The following TMC7 variants were observed in gnomAD, a reference collection of about 807,000 sequenced individuals.
The protein encoded by TMC7 is transmembrane channel like 7, also known as transmembrane channel-like protein 7.
TMC7 carries 54 observed loss-of-function variants against 82.9 expected under a neutral mutation model. That is an observed-to-expected ratio of 0.65 (90% CI 0.52 to 0.82). The LOEUF (loss-of-function observed/expected upper bound fraction) is 0.82. Among genes scored for constraint, TMC7 ranks in the 40% least tolerant of loss-of-function variants. TMC7 has a pLI of 0.00. For synonymous variants in TMC7, 350 were observed against 337.9 expected, an observed-to-expected ratio of 1.04 and a Z score of -0.39; for missense variants, 820 against 901.2, an observed-to-expected ratio of 0.91 and a Z score of 1.15.
chr16:19,021,897 C>T (rs921370617), intron 4 of TMC7, 101 bp downstream of exon 4: 32 of 1,378,584 alleles, frequency 2.3e-5, no homozygotes, highest in East Asian at 2.1e-4. Flanking sequence ...AATTCTTGGG[C>T]GACTGTATTA....
At chr16:19,046,719 G>T (rs1282454866) in intron 11 of TMC7, among the ~76,000 whole-genome samples, 1 of 151,854 alleles carries the variant, frequency 6.6e-6, no homozygotes, top group African/African-American at 2.4e-5. Flanking sequence ...TGTAGTCTCA[G>T]CCACTTGGGA....
intron 2 of TMC7, among the ~76,000 whole-genome samples, chr16:19,015,617 C>T (rs936286506): frequency 4.0e-5 from 6 of 149,680 alleles, no homozygotes; most frequent in Admixed American, 6.7e-5. Flanking sequence ...GTTGCCCAGA[C>T]TGGCCAACAT....
chr16:19,031,954 A>G (rs566964424), intron 6 of TMC7, among the ~76,000 whole-genome samples: 1 of 152,320 alleles, frequency 6.6e-6, no homozygotes, highest in Admixed American at 6.5e-5. Flanking sequence ...TCACATGACT[A>G]TAGCCAACTG....
At position 19,038,043 on chromosome 16, in the gene TMC7, A is replaced by G. The variant is rs1960839275; in HGVS notation, c.1175A>G (p.Lys392Arg). The change falls in exon 8 of 16, where the codon AAA (lysine) becomes AGA (arginine). Residue 392 changes from lysine (K) to arginine (R), a missense_variant. By Grantham distance (26) the Lys-to-Arg change is conservative. This residue lies in a region of TMC7 where 650 missense variants were observed against 669.9 expected (regional missense o/e 0.97). Coordinates refer to ENST00000304381, the MANE Select transcript of TMC7 (RefSeq NM_024847.4). ...VATVFSQEHM[K>R]KEIDKMVFGE... is the part of the protein sequence containing the mutation. ...ACTGTCTTCTCGCAAGAGCACATGA[A>G]AAAGGTAAATTAACTTGTACTCTGG... 6.2e-6 allele frequency: 10 copies of G among 1,613,354 alleles called. No homozygotes were observed. The highest frequency in any genetic ancestry group is 8.5e-6 in the Non-Finnish European group (10 of 1,179,830).
intron 5 of TMC7, among the ~76,000 whole-genome samples, chr16:19,025,137 T>C (rs1438061875): frequency 6.6e-6 from 1 of 152,144 alleles, no homozygotes; most frequent in Non-Finnish European, 1.5e-5. Context: ...CCCTGGTCTC[T>C]ACCCACTAGA....
chr16:18,994,137 C>G (rs1567499042), intron 1 of TMC7, among the ~76,000 whole-genome samples: 1 of 151,946 alleles, frequency 6.6e-6, no homozygotes, highest in Non-Finnish European at 1.5e-5. Context: ...GTGTGGGAGA[C>G]TCAACAAAGA....
Position 19,063,514 on chromosome 16 carries a change from T to C in TMC7, c.*1671T>C, listed in dbSNP as rs1245842292. 6.6e-6 allele frequency: 1 copy of C among 151,988 alleles called. No homozygotes were observed. The highest frequency in any genetic ancestry group is 1.5e-5 in the Non-Finnish European group (1 of 68,012). 9.4% of individuals were successfully genotyped at this position (151,988 alleles called of 1,614,324 possible). A position where few individuals can be genotyped will look rare whatever the true frequency, so the allele number is the denominator to read the frequency against. ...GCTGCAGTGTGCGAGACCGTGCCAC[T>C]GTACTCCAGCCTAGGTGACAGAGGG... On this transcript the variant is annotated 3_prime_UTR_variant, in exon 16 of 16. Coordinates refer to ENST00000304381, the MANE Select transcript of TMC7 (RefSeq NM_024847.4).
chr16:19,044,132 T>C (rs1408893617), intron 9 of TMC7, among the ~76,000 whole-genome samples: 1 of 152,126 alleles, frequency 6.6e-6, no homozygotes. Context: ...CCTCCCAAAA[T>C]GCTGGGATTA....
intron 5 of TMC7, 41 bp from the exon 6 acceptor site, chr16:19,030,183 A>G: frequency 1.3e-6 from 2 of 1,591,774 alleles, no homozygotes; most frequent in South Asian, 2.3e-5. Flanking sequence ...TCCCTGCAGT[A>G]AGCTGACCAG....
At position 18,984,129 on chromosome 16, in the gene TMC7, A is replaced by C. The variant is rs2038799763; in HGVS notation, c.66A>C (p.Pro22=). Residue 22 remains proline (P), a splice_region_variant and synonymous_variant, in exon 1 of 16, where the codon CCA becomes CCC. Transcript: ENST00000304381. ...CCAGCCGGCAGCCGGCGGTCCATCCAGGTAGGGCGGCAGGGAGCGCGCGCG... is the reference window on the plus strand; with the variant it reads ...CCAGCCGGCAGCCGGCGGTCCATCCCGGTAGGGCGGCAGGGAGCGCGCGCG... ...GRPSRQPAVH[P]ENLSLDSSCF... is the part of the protein sequence containing the mutation. The C allele has an allele frequency of 1.3e-6, 2 of 1,499,088 alleles. No individual in the cohort carries two copies. The highest frequency in any genetic ancestry group is 4.3e-5 in the Admixed American group (2 of 46,886). The allele number at this position is 1,499,088 out of a possible 1,614,324, so 92.9% of individuals were successfully genotyped here. A position where few individuals can be genotyped will look rare whatever the true frequency, so the allele number is the denominator to read the frequency against.
chr16:19,025,849 GGC>G (rs1213379650), intron 5 of TMC7, among the ~76,000 whole-genome samples: 5 of 151,402 alleles, frequency 3.3e-5, no homozygotes, highest in Admixed American at 6.6e-5. Flanking sequence ...CTGCCTCCTA[GGC>G]TTAAGCCATC....
chr16:19,000,060 G>T (rs1388633251), intron 1 of TMC7, among the ~76,000 whole-genome samples: 1 of 152,098 alleles, frequency 6.6e-6, no homozygotes, highest in Non-Finnish European at 1.5e-5. Flanking sequence ...CACGAAGGCT[G>T]CGAGCCACCA....
intron 3 of TMC7, 124 bp downstream of exon 3, chr16:19,016,722 A>C: frequency 1.9e-6 from 2 of 1,071,208 alleles, no homozygotes; most frequent in Non-Finnish European, 2.6e-6. Flanking sequence ...GAATGTGAGC[A>C]ACAAACCACA....
At position 19,030,278 on chromosome 16, in the gene TMC7, A is replaced by G. The variant is rs769123002; in HGVS notation, c.766A>G (p.Lys256Glu). The G allele has an allele frequency of 3.0e-5, 49 of 1,613,646 alleles. No homozygotes were observed. Among genetic ancestry groups the G allele is most frequent in the Non-Finnish European group, 4.2e-5 (49 of 1,179,940 alleles). Reference protein sequence around the residue: ...FYGHYTIDGVKFQNFTYDLPL... With the variant: ...FYGHYTIDGVEFQNFTYDLPL... ...CGGACATTACACCATTGATGGGGTG[A>G]AATTTCAGAACTTCACCTATGATCT... Residue 256 changes from lysine to glutamate, a missense_variant, in exon 6 of 16, where the codon AAA becomes GAA. Around this residue, in one of 2 missense-constraint regions of TMC7, gnomAD observed 650 missense variants for 669.9 expected, o/e 0.97. Transcript: ENST00000304381.
intron 5 of TMC7, among the ~76,000 whole-genome samples, chr16:19,025,414 T>A (rs1960175628): frequency 6.6e-6 from 1 of 151,160 alleles, no homozygotes; most frequent in Non-Finnish European, 1.5e-5. Flanking sequence ...AGGTCAGGAG[T>A]TCAAGACCAG....
At chr16:19,054,278 G>A (rs1424178585) in intron 13 of TMC7, among the ~76,000 whole-genome samples, 2 of 152,144 alleles carry the variant, frequency 1.3e-5, no homozygotes, top group African/African-American at 4.8e-5. Flanking sequence ...ACTAGCAGCA[G>A]TAAAACGCAT....
At chr16:19,055,090 G>T (rs1323473499) in intron 13 of TMC7, among the ~76,000 whole-genome samples, 1 of 151,990 alleles carries the variant, frequency 6.6e-6, no homozygotes, top group African/African-American at 2.4e-5. Flanking sequence ...ATCTAAGGTT[G>T]GCTGAATTTG....
chr16:19,061,999 C>A lies in TMC7; in HGVS notation c.*156C>A, dbSNP rs182558478. The A allele has an allele frequency of 4.3e-3, 2,148 of 499,208 alleles. 3 individuals carry two copies. Among genetic ancestry groups the A allele is most frequent in the Non-Finnish European group, 5.1e-3 (1,518 of 295,394 alleles). The allele number at this position is 499,208 out of a possible 1,614,324, so 30.9% of individuals were successfully genotyped here. A position where few individuals can be genotyped will look rare whatever the true frequency, so the allele number is the denominator to read the frequency against. On this transcript the variant is annotated 3_prime_UTR_variant, in exon 16 of 16. Transcript: ENST00000304381. ...CATATGTGCAGCTGTGTTTACCTAA[C>A]CCAGCCCTTAATTAGGGCTTCAGTG...
At chr16:19,031,462 A>G (rs988917454) in intron 6 of TMC7, among the ~76,000 whole-genome samples, 5 of 152,202 alleles carry the variant, frequency 3.3e-5, no homozygotes, top group African/African-American at 1.2e-4. Context: ...TTCCCTTAAC[A>G]AACAACAGGT....
Sources: allele counts gnomAD v4.1 joint callset (sites outside exome capture counted in the v4.1 genomes callset), GRCh38; gene constraint gnomAD v4.1.1; regional missense constraint gnomAD v4.1.1; transcripts MANE v1.5; gene names NCBI Gene and HGNC (gene_info 2026-07-23, HGNC 2026-07-21).